Variants in CADPS2 observed in about 807,000 individuals in gnomAD.
The protein encoded by CADPS2 is calcium-dependent secretion activator 2.
A neutral mutation model predicts 172.5 loss-of-function variants in CADPS2; 93 were observed. That is an observed-to-expected ratio of 0.54 (90% CI 0.46 to 0.64). The LOEUF (loss-of-function observed/expected upper bound fraction) is 0.64. CADPS2 is among the 30% of genes least tolerant of loss of function. The probability of loss-of-function intolerance (pLI) is 0.00; values close to 1 mark genes in which losing one functional copy is unlikely to be tolerated. For missense variants in CADPS2, 1,420 were observed against 1,565.9 expected, an observed-to-expected ratio of 0.91 and a Z score of 1.57; for synonymous variants, 546 against 555.2, an observed-to-expected ratio of 0.98 and a Z score of 0.23.
intron 28 of CADPS2, among the ~76,000 whole-genome samples, chr7:122,341,216 G>C (rs1262630945): frequency 1.3e-5 from 2 of 152,174 alleles, no homozygotes; most frequent in Admixed American, 6.5e-5. Context: ...TTTGTAGATA[G>C]ATTTTCTTTT....
chr7:122,438,420 C>G lies in CADPS2; in HGVS notation c.2397G>C (p.Val799=), dbSNP rs188401140. Residue 799 remains valine, a synonymous_variant, in exon 17 of 30, where the codon GTG becomes GTC. Transcript: ENST00000449022. ...DIATPIPAEE[V]KKVVRKCLEK... ...CGAGACATTTTCTGACCACTTTCTT[C>G]ACCTCTTCTGCTGGTATGGGAGTGG... 6.5e-4 allele frequency: 1,044 copies of G among 1,613,110 alleles called. 6 individuals are homozygous for G. The Admixed American group carries it at 9.6e-3, about 15-fold the overall frequency.
intron 1 of CADPS2, among the ~76,000 whole-genome samples, chr7:122,859,284 G>T (rs770783964): frequency 5.9e-5 from 9 of 152,156 alleles, no homozygotes; most frequent in Non-Finnish European, 1.2e-4. Flanking sequence ...GTCATCTGTT[G>T]AAAAGAATTG....
intron 8 of CADPS2, among the ~76,000 whole-genome samples, chr7:122,516,369 TACAAAAATA>T (rs1563567801): frequency 1.3e-5 from 2 of 151,914 alleles, no homozygotes; most frequent in African/African-American, 2.4e-5. Context: ...ACTCTGTCTG[TACAAAAATA>T]AAAATAAAAA....
intron 28 of CADPS2, among the ~76,000 whole-genome samples, chr7:122,328,894 A>T (rs1456790319): frequency 6.6e-6 from 1 of 152,150 alleles, no homozygotes; most frequent in Non-Finnish European, 1.5e-5. Context: ...GGAGCACGGA[A>T]AACAGAACAT....
At chr7:122,458,576 T>TC (rs1346633873) in intron 14 of CADPS2, among the ~76,000 whole-genome samples, 3 of 152,116 alleles carry the variant, frequency 2.0e-5, no homozygotes, top group African/African-American at 4.8e-5. Context: ...TTGCAAACAC[T>TC]CCCCCCTTCC....
intron 3 of CADPS2, among the ~76,000 whole-genome samples, chr7:122,630,475 G>C (rs2076475108): frequency 6.6e-6 from 1 of 152,082 alleles, no homozygotes; most frequent in Non-Finnish European, 1.5e-5. Flanking sequence ...TTTTGGAATG[G>C]GATACCAGAA....
intron 7 of CADPS2, among the ~76,000 whole-genome samples, chr7:122,569,539 T>A (rs2066917755): frequency 7.3e-6 from 1 of 136,464 alleles, no homozygotes; most frequent in African/African-American, 3.1e-5. Flanking sequence ...TACTTTAAAG[T>A]TCATATGGAA....
At chr7:122,706,714 A>T (rs75087552) in intron 2 of CADPS2, among the ~76,000 whole-genome samples, 1 of 147,368 alleles carries the variant, frequency 6.8e-6, no homozygotes, top group African/African-American at 2.5e-5. Flanking sequence ...TTCCTTGCTC[A>T]TATATATGTA....
At chr7:122,328,852 T>C (rs2034414059) in intron 28 of CADPS2, among the ~76,000 whole-genome samples, 1 of 152,124 alleles carries the variant, frequency 6.6e-6, no homozygotes, top group Admixed American at 6.5e-5. Flanking sequence ...GCTACTTGCT[T>C]TCCAGCCCTG....
At chr7:122,866,084 G>A (rs1045632203) in intron 1 of CADPS2, among the ~76,000 whole-genome samples, 1 of 152,184 alleles carries the variant, frequency 6.6e-6, no homozygotes, top group African/African-American at 2.4e-5. Context: ...TGGGGCAGGG[G>A]ACTGCTGCTT....
intron 25 of CADPS2, among the ~76,000 whole-genome samples, chr7:122,375,348 T>A (rs530161710): frequency 1.3e-4 from 20 of 152,136 alleles, no homozygotes; most frequent in African/African-American, 4.8e-4. Flanking sequence ...TTAACTTTTT[T>A]AAGTAAACTT....
intron 1 of CADPS2, among the ~76,000 whole-genome samples, chr7:122,859,074 T>C (rs1277599384): frequency 6.6e-6 from 1 of 152,204 alleles, no homozygotes; most frequent in Non-Finnish European, 1.5e-5. Context: ...CCTCAACACA[T>C]ACCTCAAAAG....
intron 3 of CADPS2, among the ~76,000 whole-genome samples, chr7:122,637,073 A>T (rs1384403762): frequency 1.3e-5 from 2 of 148,660 alleles, no homozygotes; most frequent in Non-Finnish European, 3.0e-5. Flanking sequence ...TTTTTGTCTG[A>T]CAAAGCTGAC....
chr7:122,351,902 G>A (rs115586225), intron 27 of CADPS2, among the ~76,000 whole-genome samples: 1,548 of 152,264 alleles, frequency 0.01, 23 homozygotes, highest in African/African-American at 0.036. Flanking sequence ...TGTAGCATTA[G>A]TATGTTACAT....
At chr7:122,340,240 T>C (rs896949497) in intron 28 of CADPS2, among the ~76,000 whole-genome samples, 2 of 152,176 alleles carry the variant, frequency 1.3e-5, no homozygotes, top group Admixed American at 1.3e-4. Context: ...ATTAAAAAAA[T>C]CTTGTGGAGA....
chr7:122,795,095 C>A (rs1179541820), intron 1 of CADPS2, among the ~76,000 whole-genome samples: 1 of 151,312 alleles, frequency 6.6e-6, no homozygotes, highest in Non-Finnish European at 1.5e-5. Context: ...CCAAAGCTAG[C>A]AGAAGACAAT....
intron 2 of CADPS2, among the ~76,000 whole-genome samples, chr7:122,689,193 C>T (rs2084007270): frequency 6.6e-6 from 1 of 152,118 alleles, no homozygotes; most frequent in Admixed American, 6.5e-5. Context: ...TTCCAGGGGT[C>T]ATCATCAAGG....
chr7:122,436,210 C>T lies in CADPS2; in HGVS notation c.2476+2131G>A, dbSNP rs1028776461. The T allele has an allele frequency of 3.5e-5, 12 of 340,646 alleles. 1 individual carries two copies. Among genetic ancestry groups the T allele is most frequent in the South Asian group, 1.5e-4 (6 of 41,308 alleles). 21.1% of individuals were successfully genotyped at this position (340,646 alleles called of 1,614,324 possible). ...GGTTTATGCTATAGATTGCAATGATCGTTTCACAGCTATTTACCTCCAAAT... is the reference window on the plus strand; with the variant it reads ...GGTTTATGCTATAGATTGCAATGATTGTTTCACAGCTATTTACCTCCAAAT... On this transcript the variant is annotated intron_variant, in intron 17 of 29. Coordinates refer to ENST00000449022, the MANE Select transcript of CADPS2 (RefSeq NM_017954.11).
chr7:122,581,331 T>C (rs1194211735), intron 6 of CADPS2, 41 bp from the exon 7 acceptor site: 1 of 1,516,514 alleles, frequency 6.6e-7, no homozygotes, highest in African/African-American at 1.4e-5. Flanking sequence ...AATGCAGCAT[T>C]ATTTTTTTCC....
Sources: gnomAD v4.1 joint callset for allele counts (sites outside exome capture counted in the v4.1 genomes callset) on GRCh38, gnomAD v4.1.1 for gene constraint, MANE v1.5 for transcripts, NCBI Gene and HGNC (gene_info 2026-07-23, HGNC 2026-07-21) for gene names.